ACSM2B: variants seen among roughly 807,000 people sequenced by gnomAD.
ACSM2B encodes acyl-CoA synthetase medium chain family member 2B, also known as acyl-coenzyme A synthetase ACSM2B, mitochondrial.
A neutral mutation model predicts 78.6 loss-of-function variants in ACSM2B; 58 were observed. The ratio of observed to expected loss-of-function variants is 0.74; its 90% confidence interval spans 0.60 to 0.92. The LOEUF (loss-of-function observed/expected upper bound fraction) is 0.92. Ranked by LOEUF, ACSM2B falls within the 40% of genes least tolerant of loss-of-function variation. The pLI is 0.00. For synonymous variants in ACSM2B, 257 were observed against 256.8 expected (o/e 1.00, Z -0.01); for missense variants, 688 against 711.2 (o/e 0.97, Z 0.37).
chr16:20,540,661 G>C lies in ACSM2B; in HGVS notation c.1622C>G (p.Pro541Arg). ...VKSVTAPYKY[P>R]RKIEFVLNLP... ...GGAGCTCAAAGGCCTTACCTTTCTT[G>C]GGTACTTGTATGGGGCTGTCACTGA... is the stretch of plus-strand genomic sequence containing the variant. The change falls in exon 13 of 14, where the codon CCA becomes CGA. Residue 541 changes from proline (P) to arginine (R), a missense_variant. Physicochemically the swap from Pro to Arg is moderately radical, Grantham distance 103 (BLOSUM62 -2). Transcript: ENST00000329697. The C allele has an allele frequency of 6.2e-7, 1 of 1,613,920 alleles. No homozygotes were observed. The highest frequency in any genetic ancestry group is 8.5e-7 in the Non-Finnish European group (1 of 1,179,872).
chr16:20,573,017 C>T (rs865798187), intron 1 of ACSM2B, among the ~76,000 whole-genome samples: 1 of 149,618 alleles, frequency 6.7e-6, no homozygotes, highest in South Asian at 2.1e-4. Flanking sequence ...TTTTCTGGTG[C>T]CTCTTTGATT....
chr16:20,557,375 G>A (rs550993525), intron 3 of ACSM2B, among the ~76,000 whole-genome samples: 15 of 151,626 alleles, frequency 9.9e-5, no homozygotes, highest in South Asian at 8.3e-4. Context: ...TCTCTCCCTC[G>A]CATCTTCTTT....
chr16:20,570,522 C>A (rs1307743103), intron 1 of ACSM2B, among the ~76,000 whole-genome samples: 2 of 151,754 alleles, frequency 1.3e-5, no homozygotes, highest in Non-Finnish European at 2.9e-5. Flanking sequence ...CTGCAGTTTT[C>A]TTTTTTTGTT....
intron 12 of ACSM2B, 187 bp downstream of exon 12, chr16:20,542,727 C>T (rs1445437237): frequency 1.4e-6 from 1 of 709,214 alleles, no homozygotes; most frequent in African/African-American, 1.8e-5. Flanking sequence ...AATCCCTCAT[C>T]TTACAGATGA....
chr16:20,545,673 T>A (rs1015230591), intron 9 of ACSM2B, among the ~76,000 whole-genome samples: 1 of 152,208 alleles, frequency 6.6e-6, no homozygotes, highest in African/African-American at 2.4e-5. Context: ...ACAGAGATAC[T>A]GACAGCTTAT....
intron 3 of ACSM2B, among the ~76,000 whole-genome samples, chr16:20,555,993 A>T (rs2015462218): frequency 6.6e-6 from 1 of 152,100 alleles, no homozygotes; most frequent in African/African-American, 2.4e-5. Context: ...AGTTGTATAT[A>T]TTTATTGGGT....
intron 4 of ACSM2B, among the ~76,000 whole-genome samples, chr16:20,554,745 C>T (rs1260656993): frequency 6.6e-6 from 1 of 152,200 alleles, no homozygotes; most frequent in African/African-American, 2.4e-5. Context: ...TGGGTTTTCC[C>T]TCATGACCTT....
At chr16:20,564,934 T>C (rs2015778433) in intron 1 of ACSM2B, 81 bp from the exon 2 acceptor site, 51 of 1,511,808 alleles carry the variant, frequency 3.4e-5, no homozygotes, top group Non-Finnish European at 4.4e-5. Flanking sequence ...AGGAGATTCA[T>C]CCCAACCTTA....
chr16:20,556,355 A>G (rs2015474545), intron 3 of ACSM2B, among the ~76,000 whole-genome samples: 1 of 152,210 alleles, frequency 6.6e-6, no homozygotes, highest in Non-Finnish European at 1.5e-5. Flanking sequence ...TAATCCTGGC[A>G]CTTTTGGAGG....
At chr16:20,560,398 A>G (rs1006208618) in intron 2 of ACSM2B, among the ~76,000 whole-genome samples, 20 of 151,842 alleles carry the variant, frequency 1.3e-4, no homozygotes, top group African/African-American at 4.6e-4. Context: ...AGATCATAAG[A>G]TCTGGTTGTT....
intron 3 of ACSM2B, among the ~76,000 whole-genome samples, chr16:20,558,270 T>G (rs907430287): frequency 6.6e-6 from 1 of 151,246 alleles, no homozygotes; most frequent in Non-Finnish European, 1.5e-5. Context: ...CTCTGAGGAG[T>G]TGACTCAACA....
chr16:20,566,114 A>G (rs1476972276), intron 1 of ACSM2B, among the ~76,000 whole-genome samples: 2 of 114,336 alleles, frequency 1.7e-5, no homozygotes, highest in African/African-American at 8.8e-5. Context: ...TCGAAAAAAT[A>G]TAAAAATTCT....
At chr16:20,555,734 T>C (rs1393705421) in intron 3 of ACSM2B, among the ~76,000 whole-genome samples, 1 of 152,178 alleles carries the variant, frequency 6.6e-6, no homozygotes, top group Non-Finnish European at 1.5e-5. Context: ...CTGTTGACAG[T>C]CTAAGACACA....
intron 10 of ACSM2B, among the ~76,000 whole-genome samples, chr16:20,544,151 G>C (rs985523217): frequency 6.6e-6 from 1 of 152,212 alleles, no homozygotes; most frequent in African/African-American, 2.4e-5. Context: ...TGAGAATATA[G>C]TGGGACCTCA....
At chr16:20,575,736 C>T (rs2016231368) in intron 1 of ACSM2B, 1 of 148,476 alleles carries the variant, frequency 6.7e-6, no homozygotes, top group South Asian at 2.3e-4. Context: ...ACTTTGTATC[C>T]TTCAATTCAA....
intron 4 of ACSM2B, chr16:20,554,245 G>A (rs1324047819): frequency 4.2e-6 from 2 of 480,614 alleles, no homozygotes; most frequent in African/African-American, 4.0e-5. Context: ...AAAGAAATGA[G>A]CAACTTGCTT....
chr16:20,538,869 G>T (rs1161133610), intron 13 of ACSM2B, among the ~76,000 whole-genome samples: 1 of 152,132 alleles, frequency 6.6e-6, no homozygotes, highest in Non-Finnish European at 1.5e-5. Flanking sequence ...CTCAGAGGCT[G>T]CAAGTCCATG....
intron 5 of ACSM2B, 93 bp from the exon 6 acceptor site, chr16:20,552,390 T>C: frequency 6.7e-7 from 1 of 1,496,810 alleles, no homozygotes; most frequent in Non-Finnish European, 9.0e-7. Flanking sequence ...GGGAGGTGTG[T>C]GTGCAGAGGT....
chr16:20,574,473 G>C (rs1327767065), intron 1 of ACSM2B: 8 of 152,062 alleles, frequency 5.3e-5, no homozygotes, highest in African/African-American at 1.4e-4. Context: ...TTGGGAACGT[G>C]ATAAATGTCC....
Sources: allele counts gnomAD v4.1 joint callset (sites outside exome capture counted in the v4.1 genomes callset), GRCh38; gene constraint gnomAD v4.1.1; transcripts MANE v1.5; gene names NCBI Gene and HGNC (gene_info 2026-07-23, HGNC 2026-07-21).